Variants in STX7 observed in about 807,000 individuals in gnomAD.
STX7 encodes syntaxin-7.
Under a neutral mutation model 39.6 loss-of-function variants are expected in STX7, and 34 were observed. The ratio of observed to expected loss-of-function variants is 0.86; its 90% CI spans 0.65 to 1.14. The LOEUF is 1.14. Among genes scored for constraint, STX7 ranks in the 50% most tolerant of loss-of-function variants. STX7 has a pLI of 0.00. For synonymous variants in STX7, 119 were observed against 99.1 expected (o/e 1.20, Z -1.19); for missense variants, 284 against 310.4 (o/e 0.92, Z 0.64).
In STX7 at chr6:132,457,198, T is replaced by C. The variant is rs1302841262; in HGVS notation, c.*3560A>G. ...TTCCCTATGTTAAAACACTTTACACTTATAATCCATCAAGTGGTTTCTGTT... is the reference window on the plus strand; with the variant it reads ...TTCCCTATGTTAAAACACTTTACACCTATAATCCATCAAGTGGTTTCTGTT... On this transcript the variant is annotated 3_prime_UTR_variant, in exon 10 of 10. Coordinates refer to ENST00000367941, the MANE Select transcript of STX7 (RefSeq NM_003569.3). 2.6e-5 allele frequency: 4 copies of C among 152,268 alleles called. No individual in the cohort carries two copies. Among genetic ancestry groups the C allele is most frequent in the African/African-American group, 9.6e-5 (4 of 41,472 alleles). 9.4% of individuals were successfully genotyped at this position (152,268 alleles called of 1,614,324 possible).
Position 132,454,963 on chromosome 6 carries a change from G to A in STX7, c.*5795C>T, listed in dbSNP as rs891987039. Reference sequence around the variant, plus strand: ...TTAAATCTGGCCCTGGGAAGAGGTTGGATGTGGCCTGAGGCACATTGAAAA... The same window carrying A: ...TTAAATCTGGCCCTGGGAAGAGGTTAGATGTGGCCTGAGGCACATTGAAAA... On this transcript the variant is annotated 3_prime_UTR_variant, in exon 10 of 10. Coordinates refer to ENST00000367941, the MANE Select transcript of STX7 (RefSeq NM_003569.3). 14 of 152,162 alleles carry A rather than the reference G, an allele frequency of 9.2e-5. No homozygotes were observed. Among genetic ancestry groups the A allele is most frequent in the African/African-American group, 3.4e-4 (14 of 41,448 alleles). The allele number at this position is 152,162 out of a possible 1,614,324, so 9.4% of individuals were successfully genotyped here.
intron 2 of STX7, among the ~76,000 whole-genome samples, chr6:132,502,957 T>C (rs1582683089): frequency 6.6e-6 from 1 of 152,084 alleles, no homozygotes; most frequent in African/African-American, 2.4e-5. Flanking sequence ...CCTTCCTCAA[T>C]AGATTAAAAC....
intron 9 of STX7, among the ~76,000 whole-genome samples, chr6:132,462,711 G>A (rs570316687): frequency 1.3e-5 from 2 of 151,962 alleles, no homozygotes; most frequent in African/African-American, 4.8e-5. Flanking sequence ...GAATGACATG[G>A]ACAAAGATAA....
At position 132,448,996 on chromosome 6, in the gene STX7, G is replaced by A. The variant is rs1368291033; in HGVS notation, c.*11762C>T. ...CCTTTTCCTGGTTGATATACATTTT[G>A]CTTCTTGTATATGTGGATCCACTTT... On this transcript the variant is annotated 3_prime_UTR_variant, in exon 10 of 10. Coordinates refer to ENST00000367941, the MANE Select transcript of STX7 (RefSeq NM_003569.3). The A allele has an allele frequency of 2.0e-5, 3 of 151,000 alleles. No individual in the cohort carries two copies. Among genetic ancestry groups the A allele is most frequent in the African/African-American group, 7.3e-5 (3 of 41,040 alleles). The allele number at this position is 151,000 out of a possible 1,614,324, so 9.4% of individuals were successfully genotyped here. A position where few individuals can be genotyped will look rare whatever the true frequency, so the allele number is the denominator to read the frequency against.
rs1774265515 is a variant in STX7, at chr6:132,457,261, TAAAGA to T, written c.*3492_*3496del. 2 of 152,228 alleles carry T rather than the reference TAAAGA, an allele frequency of 1.3e-5. No individual in the cohort carries two copies. Among genetic ancestry groups the T allele is most frequent in the Non-Finnish European group, 2.9e-5 (2 of 68,038 alleles). 9.4% of individuals were successfully genotyped at this position (152,228 alleles called of 1,614,324 possible). On this transcript the variant is annotated 3_prime_UTR_variant, in exon 10 of 10. Transcript: ENST00000367941. Reference sequence around the variant, plus strand: ...TTGTTAAAATATGCAAAATTCACATTAAAGAAGTTTCCTACCTATCTTGTGACCTC... The same window carrying T: ...TTGTTAAAATATGCAAAATTCACATTAGTTTCCTACCTATCTTGTGACCTC...
chr6:132,498,116 C>T (rs73772507), intron 2 of STX7, among the ~76,000 whole-genome samples: 4,527 of 152,224 alleles, frequency 0.03, 222 homozygotes, highest in African/African-American at 0.1. Context: ...TTGACTGTTA[C>T]GGAGTCAACG....
At position 132,455,129 on chromosome 6, in the gene STX7, C is replaced by T. The variant is rs955335556; in HGVS notation, c.*5629G>A. 4 of 152,082 alleles carry T rather than the reference C, an allele frequency of 2.6e-5. No homozygotes were observed. Among genetic ancestry groups the T allele is most frequent in the Admixed American group, 6.6e-5 (1 of 15,256 alleles). 9.4% of individuals were successfully genotyped at this position (152,082 alleles called of 1,614,324 possible). On this transcript the variant is annotated 3_prime_UTR_variant, in exon 10 of 10. Transcript: ENST00000367941. The stretch of plus-strand genomic sequence containing the variant: ...CAGCTTTGATCTGAGAGCTTTTCAC[C>T]GTCAAGTTTTTAGCTATACAAGTTA...
chr6:132,504,048 G>C (rs953764073), intron 1 of STX7, among the ~76,000 whole-genome samples: 1 of 152,128 alleles, frequency 6.6e-6, no homozygotes, highest in Non-Finnish European at 1.5e-5. Context: ...GCTATCCCCA[G>C]AAATTTCACT....
chr6:132,494,175 T>C (rs564390414), intron 2 of STX7, among the ~76,000 whole-genome samples: 1 of 152,080 alleles, frequency 6.6e-6, no homozygotes, highest in African/African-American at 2.4e-5. Flanking sequence ...TAATGAAGGA[T>C]TAATTAAAAT....
At chr6:132,505,293 A>C (rs1022908731) in intron 1 of STX7, among the ~76,000 whole-genome samples, 7 of 152,186 alleles carry the variant, frequency 4.6e-5, no homozygotes, top group African/African-American at 1.7e-4. Flanking sequence ...TCTGGTAGAG[A>C]AGAAGCCACA....
chr6:132,462,053 C>A (rs1774420068), intron 9 of STX7, among the ~76,000 whole-genome samples: 1 of 152,090 alleles, frequency 6.6e-6, no homozygotes, highest in South Asian at 2.1e-4. Flanking sequence ...ATTTCAATAC[C>A]ATGCATAAAT....
rs558249702 is a variant in STX7 at position 132,513,056 on chromosome 6, A to AC, written c.-109dup. Reference sequence around the variant, plus strand: ...CACCTCCGACCGCCGTCACCCACCTACCCCGGAGCCCTCAGCTGCAATTCT... The same window carrying AC: ...CACCTCCGACCGCCGTCACCCACCTACCCCCGGAGCCCTCAGCTGCAATTCT... On this transcript the variant is annotated 5_prime_UTR_variant, in exon 1 of 10. Transcript: ENST00000367941. 1.3e-5 allele frequency: 2 copies of AC among 151,858 alleles called. No homozygotes were observed. Among genetic ancestry groups the AC allele is most frequent in the Admixed American group, 6.6e-5 (1 of 15,254 alleles). The allele number at this position is 151,858 out of a possible 1,614,324, so 9.4% of individuals were successfully genotyped here.
chr6:132,472,211 T>C, intron 4 of STX7, 71 bp downstream of exon 4: 1 of 1,164,114 alleles, frequency 8.6e-7, no homozygotes, highest in Non-Finnish European at 1.2e-6. Context: ...GCGTAACAGT[T>C]CAAAGATCCT....
intron 2 of STX7, among the ~76,000 whole-genome samples, chr6:132,488,716 G>C (rs7766824): frequency 2.6e-5 from 4 of 152,060 alleles, no homozygotes; most frequent in Non-Finnish European, 4.4e-5. Context: ...GTTATAGCCC[G>C]TAATTGGGAG....
intron 2 of STX7, among the ~76,000 whole-genome samples, chr6:132,476,479 T>C (rs1774878227): frequency 6.6e-6 from 1 of 151,186 alleles, no homozygotes; most frequent in Admixed American, 6.6e-5. Context: ...AAGACAGAGG[T>C]GCTTTCTAAA....
In STX7 at chr6:132,460,629, T is replaced by A; in HGVS notation, c.*129A>T. On this transcript the variant is annotated 3_prime_UTR_variant, in exon 10 of 10. Coordinates refer to ENST00000367941, the MANE Select transcript of STX7 (RefSeq NM_003569.3). The stretch of plus-strand genomic sequence containing the variant: ...AAAGGAACCACCCCAACCCCCCCAA[T>A]AAAAATAACAAAGTATGGGAACCAT... 1 of 631,502 alleles carries A rather than the reference T, an allele frequency of 1.6e-6. No homozygotes were observed. The highest frequency in any genetic ancestry group is 2.5e-6 in the Non-Finnish European group (1 of 402,430). The allele number at this position is 631,502 out of a possible 1,614,324, so 39.1% of individuals were successfully genotyped here. A position where few individuals can be genotyped will look rare whatever the true frequency, so the allele number is the denominator to read the frequency against.
At chr6:132,501,397 G>A (rs535577766) in intron 2 of STX7, among the ~76,000 whole-genome samples, 33 of 152,228 alleles carry the variant, frequency 2.2e-4, no homozygotes, top group African/African-American at 7.7e-4. Context: ...AGACTGTGGA[G>A]TATCATAGCC....
At chr6:132,474,267 GATAT>G (rs1774814277) in intron 3 of STX7, among the ~76,000 whole-genome samples, 1 of 148,008 alleles carries the variant, frequency 6.8e-6, no homozygotes, top group African/African-American at 2.5e-5. Context: ...AGTGACTACG[GATAT>G]ATATTCAGAA....
intron 1 of STX7, among the ~76,000 whole-genome samples, chr6:132,508,040 T>C (rs763147929): frequency 1.3e-5 from 2 of 152,212 alleles, no homozygotes; most frequent in African/African-American, 2.4e-5. Flanking sequence ...ACACTTAGCA[T>C]TTGGGCCCAC....
Sources: allele counts gnomAD v4.1 joint callset (sites outside exome capture counted in the v4.1 genomes callset), GRCh38; gene constraint gnomAD v4.1.1; transcripts MANE v1.5; gene names NCBI Gene and HGNC (gene_info 2026-07-23, HGNC 2026-07-21).